Variants in PUDP observed in about 807,000 individuals in gnomAD.
PUDP encodes the protein pseudouridine 5'-phosphatase, also known as pseudouridine-5'-phosphatase.
Under a neutral mutation model 9.4 loss-of-function variants are expected in PUDP, and 8 were observed. That is an observed-to-expected ratio of 0.85 (90% confidence interval 0.50 to 1.53). The LOEUF (loss-of-function observed/expected upper bound fraction) is 1.53. Among genes scored for constraint, PUDP ranks in the 40% most tolerant of loss-of-function variants. The pLI is 0.00. For missense variants in PUDP, 188 were observed against 189.7 expected (o/e 0.99, Z 0.05); for synonymous variants, 99 against 80.7 (o/e 1.23, Z -1.22).
chrX:7,122,102 C>T (rs975366911), intron 1 of PUDP, among the ~76,000 whole-genome samples: 2 of 110,818 alleles, frequency 1.8e-5, no homozygotes, highest in Non-Finnish European at 3.8e-5. Context: ...GTAAGAGAAT[C>T]GGTTGAGCCC....
At chrX:6,721,397 G>C (rs1336430656) in intron 1 of PUDP, 1 of 111,821 alleles carries the variant, frequency 8.9e-6, no homozygotes, top group Non-Finnish European at 1.9e-5. Context: ...TTATAGGAGA[G>C]CCCAGAATAT....
intron 1 of PUDP, among the ~76,000 whole-genome samples, chrX:7,114,525 C>G (rs1932143562): frequency 8.9e-6 from 1 of 111,884 alleles, no homozygotes; most frequent in South Asian, 3.8e-4. Flanking sequence ...AGACCCCACA[C>G]CTCTCAATAC....
chrX:6,838,910 C>A (rs1001677758), intron 3 of PUDP, among the ~76,000 whole-genome samples: 1 of 112,173 alleles, frequency 8.9e-6, no homozygotes, highest in Non-Finnish European at 1.9e-5. Flanking sequence ...TTCAGCTGGG[C>A]TCTTGGGGTC....
At chrX:7,069,261 C>G (rs1037368566) in intron 3 of PUDP, among the ~76,000 whole-genome samples, 2 of 111,004 alleles carry the variant, frequency 1.8e-5, no homozygotes, top group Admixed American at 1.9e-4. Context: ...CCCCCCGAGG[C>G]GAGGTGAGGA....
At chrX:6,749,953 A>G (rs1423290919) in intron 3 of PUDP, among the ~76,000 whole-genome samples, 1 of 112,297 alleles carries the variant, frequency 8.9e-6, no homozygotes, top group African/African-American at 3.2e-5. Flanking sequence ...TGAAATGACT[A>G]TTGACTAACA....
intron 3 of PUDP, among the ~76,000 whole-genome samples, chrX:6,773,500 C>T (rs1292656892): frequency 9.0e-6 from 1 of 111,443 alleles, no homozygotes; most frequent in Non-Finnish European, 1.9e-5. Context: ...ATGAGGTGGT[C>T]CTTTAAAAGG....
intron 1 of PUDP, among the ~76,000 whole-genome samples, chrX:7,035,880 C>A (rs1414858022): frequency 1.8e-5 from 2 of 111,716 alleles, no homozygotes; most frequent in Non-Finnish European, 3.8e-5. Context: ...GTCATGGGGA[C>A]AGATCCCTCC....
chrX:7,111,461 G>A (rs1055681411), intron 1 of PUDP, among the ~76,000 whole-genome samples: 16 of 99,926 alleles, frequency 1.6e-4, no homozygotes, highest in Non-Finnish European at 4.0e-5. Flanking sequence ...TTTAATAGCC[G>A]CTGACCTGCA....
At chrX:7,140,757 A>G (rs1932787236) in intron 1 of PUDP, among the ~76,000 whole-genome samples, 1 of 112,129 alleles carries the variant, frequency 8.9e-6, no homozygotes, top group Non-Finnish European at 1.9e-5. Flanking sequence ...CATAGATTGT[A>G]GTTTTTACAA....
At chrX:7,073,394 C>G (rs1468211095) in intron 3 of PUDP, among the ~76,000 whole-genome samples, 1 of 112,294 alleles carries the variant, frequency 8.9e-6, no homozygotes, top group East Asian at 2.8e-4. Flanking sequence ...ACTACTACTA[C>G]TATGCCTAAT....
chrX:6,973,539 G>A (rs901077542), intron 3 of PUDP, among the ~76,000 whole-genome samples: 47 of 112,222 alleles, frequency 4.2e-4, no homozygotes, highest in African/African-American at 1.5e-3. Flanking sequence ...TCTTAATCCT[G>A]AGTTGTAATT....
intron 3 of PUDP, among the ~76,000 whole-genome samples, chrX:6,813,178 AAGAAAG>A (rs1247977791): frequency 9.0e-6 from 1 of 110,994 alleles, no homozygotes; most frequent in Non-Finnish European, 1.9e-5. Flanking sequence ...AAGAAGAACA[AAGAAAG>A]AGAAAAAAAA....
intron 3 of PUDP, among the ~76,000 whole-genome samples, chrX:6,938,661 A>C (rs1378088631): frequency 9.1e-6 from 1 of 109,563 alleles, no homozygotes; most frequent in Admixed American, 9.8e-5. Context: ...TGGGAGGATT[A>C]AAGTGAGGAC....
chrX:6,920,053 C>T (rs1378864774), intron 3 of PUDP, among the ~76,000 whole-genome samples: 1 of 108,791 alleles, frequency 9.2e-6, no homozygotes, highest in African/African-American at 3.3e-5. Flanking sequence ...CTGCTTGGGG[C>T]AAGGTTTACC....
chrX:6,955,666 A>C (rs1042876626), intron 3 of PUDP, among the ~76,000 whole-genome samples: 3 of 111,859 alleles, frequency 2.7e-5, no homozygotes, highest in Non-Finnish European at 3.8e-5. Flanking sequence ...CATATTGCTT[A>C]ACCAGTTTTG....
chrX:6,760,450 C>T (rs1016480844), intron 3 of PUDP, among the ~76,000 whole-genome samples: 2 of 112,027 alleles, frequency 1.8e-5, no homozygotes, highest in African/African-American at 3.2e-5. Flanking sequence ...CCAGACACTC[C>T]GCTCACATTC....
intron 3 of PUDP, among the ~76,000 whole-genome samples, chrX:6,975,436 T>C (rs1246951192): frequency 9.0e-6 from 1 of 111,384 alleles, no homozygotes; most frequent in Non-Finnish European, 1.9e-5. Flanking sequence ...TATTCCTTTC[T>C]GCTTGTTAGT....
intron 3 of PUDP, among the ~76,000 whole-genome samples, chrX:7,067,148 T>G (rs1238182905): frequency 8.9e-6 from 1 of 112,166 alleles, no homozygotes; most frequent in East Asian, 2.8e-4. Context: ...AGATTTGCTG[T>G]TTTTCTCTAG....
Position 6,742,412 on chromosome X carries a change from C to A in PUDP, c.*248-35946G>T, listed in dbSNP as rs750753123. 4.5e-5 allele frequency among the ~76,000 whole-genome samples: 5 copies of A among 112,234 alleles called. No homozygotes were observed. In the South Asian group the frequency reaches 1.8e-3, roughly 41 times the overall value. ...CTTTTGCTGTACAATGGCAGAGTTGCCTATTTATGGCAGAGACTGTGTGGT... is the reference window on the plus strand; with the variant it reads ...CTTTTGCTGTACAATGGCAGAGTTGACTATTTATGGCAGAGACTGTGTGGT... On this transcript the variant is annotated intron_variant and NMD_transcript_variant, in intron 3 of 3. Coordinates refer to the PUDP transcript ENST00000655425.
Sources: allele counts gnomAD v4.1 joint callset (sites outside exome capture counted in the v4.1 genomes callset), GRCh38; gene constraint gnomAD v4.1.1; transcripts MANE v1.5; gene names NCBI Gene and HGNC (gene_info 2026-07-23, HGNC 2026-07-21).